The following BANK1 variants were observed in gnomAD, a reference collection of about 807,000 sequenced individuals.
BANK1 encodes B cell scaffold protein with ankyrin repeats 1.
Under a neutral mutation model 94.5 loss-of-function variants are expected in BANK1, and 95 were observed. That is an observed-to-expected ratio of 1.00 (90% CI 0.85 to 1.19). The LOEUF (loss-of-function observed/expected upper bound fraction) is 1.19, where lower values mean the gene tolerates loss of function less well. Ranked by LOEUF, BANK1 falls within the 50% of genes most tolerant of loss-of-function variation. BANK1 has a pLI of 0.00. For synonymous variants in BANK1, 334 were observed against 308.4 expected (o/e 1.08, Z -0.87); for missense variants, 987 against 932.2 (o/e 1.06, Z -0.77).
intron 1 of BANK1, among the ~76,000 whole-genome samples, chr4:101,817,815 T>A (rs1260638853): frequency 6.6e-6 from 1 of 151,342 alleles, no homozygotes; most frequent in Non-Finnish European, 1.5e-5. Flanking sequence ...GTAAACTTTC[T>A]TAAAACATTA....
intron 5 of BANK1, among the ~76,000 whole-genome samples, chr4:101,881,460 GT>G (rs948555418): frequency 1.2e-4 from 19 of 152,160 alleles, no homozygotes; most frequent in Admixed American, 5.9e-4. Context: ...GGAGAAAACT[GT>G]TTGTCGGAAA....
At chr4:102,064,899 G>A (rs1363442040) in intron 13 of BANK1, among the ~76,000 whole-genome samples, 1 of 152,230 alleles carries the variant, frequency 6.6e-6, no homozygotes, top group Non-Finnish European at 1.5e-5. Flanking sequence ...CAGGGCAGCT[G>A]AAGCTGCTAG....
At chr4:101,833,625 A>G (rs540201888) in intron 2 of BANK1, among the ~76,000 whole-genome samples, 2 of 152,156 alleles carry the variant, frequency 1.3e-5, no homozygotes, top group Admixed American at 1.3e-4. Flanking sequence ...CTGTTTCTTC[A>G]AAGTGTCTTT....
chr4:101,887,111 C>A (rs898970694), intron 5 of BANK1, among the ~76,000 whole-genome samples: 1 of 152,236 alleles, frequency 6.6e-6, no homozygotes, highest in South Asian at 2.1e-4. Context: ...CCCTCACTGG[C>A]TTTTTCTTTT....
chr4:101,909,945 G>GA (rs1722606025), intron 6 of BANK1, among the ~76,000 whole-genome samples: 1 of 152,152 alleles, frequency 6.6e-6, no homozygotes, highest in African/African-American at 2.4e-5. Flanking sequence ...TTTTCTTACA[G>GA]AAACTGTGAA....
intron 5 of BANK1, among the ~76,000 whole-genome samples, chr4:101,895,079 C>T (rs1195648801): frequency 1.3e-5 from 2 of 151,184 alleles, no homozygotes; most frequent in South Asian, 2.1e-4. Flanking sequence ...GTTTCTTATC[C>T]AAAAGCAGAG....
At chr4:101,835,699 C>G (rs1382207208) in intron 2 of BANK1, among the ~76,000 whole-genome samples, 1 of 152,222 alleles carries the variant, frequency 6.6e-6, no homozygotes, top group Non-Finnish European at 1.5e-5. Context: ...AGAACTCTGA[C>G]TCACTGGACC....
chr4:102,025,944 A>G (rs1727078733), intron 9 of BANK1, among the ~76,000 whole-genome samples: 1 of 152,372 alleles, frequency 6.6e-6, no homozygotes, highest in African/African-American at 2.4e-5. Context: ...TCAGACAAAA[A>G]GTGAAATGCT....
rs1578384231 is a variant in BANK1, at chr4:101,896,054, T to A, written c.1009+644T>A. On this transcript the variant is annotated intron_variant, in intron 6 of 16. Coordinates refer to ENST00000322953, the MANE Select transcript of BANK1 (RefSeq NM_017935.5). ...TTCAAATATTACATCTTGTTTCACC[T>A]TATTGAGTCTGTATTTTCTACAACT... Among the ~76,000 whole-genome samples, 6 of 152,092 alleles carry A rather than the reference T, an allele frequency of 3.9e-5. No homozygotes were observed. In the East Asian group the frequency reaches 1.2e-3, roughly 29 times the overall value.
At position 102,071,311 on chromosome 4, in the gene BANK1, G is replaced by T. The variant is rs778648118; in HGVS notation, c.2242+7G>T. On this transcript the variant is annotated splice_region_variant and intron_variant, in intron 14 of 16. Coordinates refer to ENST00000322953, the MANE Select transcript of BANK1 (RefSeq NM_017935.5). ...ATTGTGCACCATCCAGGTGGTAAGT[G>T]CTTGGTATTTATTGAAGGATCTAAG... is the stretch of plus-strand genomic sequence containing the variant. 5.3e-5 allele frequency: 85 copies of T among 1,613,230 alleles called. No homozygotes were observed. The highest frequency in any genetic ancestry group is 7.0e-5 in the Non-Finnish European group (83 of 1,179,418).
intron 10 of BANK1, among the ~76,000 whole-genome samples, chr4:102,034,059 A>T (rs2850393): frequency 0.23 from 35,562 of 151,650 alleles, 4,679 homozygotes; most frequent in African/African-American, 0.34. Context: ...GCTTGGGCAG[A>T]TCTATTAAGT....
At chr4:102,045,465 A>G (rs950744044) in intron 11 of BANK1, among the ~76,000 whole-genome samples, 26 of 152,178 alleles carry the variant, frequency 1.7e-4, no homozygotes, top group Non-Finnish European at 3.8e-4. Flanking sequence ...AGAAGGAAAT[A>G]AAGGGTATTC....
chr4:102,044,563 G>T, intron 11 of BANK1, among the ~76,000 whole-genome samples: 1 of 129,298 alleles, frequency 7.7e-6, no homozygotes. Context: ...GGGATGGCTG[G>T]GTCAAATGGT....
At chr4:101,873,546 C>A (rs1158384832) in intron 5 of BANK1, among the ~76,000 whole-genome samples, 1 of 152,108 alleles carries the variant, frequency 6.6e-6, no homozygotes, top group Non-Finnish European at 1.5e-5. Flanking sequence ...AATGAGCGTT[C>A]TGTGAATTTG....
chr4:101,968,899 A>G (rs761773626), intron 7 of BANK1, among the ~76,000 whole-genome samples: 7 of 152,102 alleles, frequency 4.6e-5, no homozygotes, highest in Non-Finnish European at 1.0e-4. Context: ...CTAAAATGTT[A>G]TTGAGAATGG....
intron 5 of BANK1, among the ~76,000 whole-genome samples, chr4:101,885,107 G>A (rs1437591293): frequency 6.6e-6 from 1 of 152,166 alleles, no homozygotes; most frequent in Non-Finnish European, 1.5e-5. Flanking sequence ...TAATAGAGAC[G>A]GGGTTTCGCC....
chr4:101,862,317 G>A (rs1281613279), intron 3 of BANK1, among the ~76,000 whole-genome samples: 1 of 151,978 alleles, frequency 6.6e-6, no homozygotes, highest in East Asian at 1.9e-4. Flanking sequence ...GAAAAAAAGA[G>A]CGTACAATAA....
intron 2 of BANK1, among the ~76,000 whole-genome samples, chr4:101,839,511 C>T (rs899953828): frequency 2.0e-5 from 3 of 152,140 alleles, no homozygotes; most frequent in Non-Finnish European, 4.4e-5. Flanking sequence ...TTAATAGCTT[C>T]CCATATGAGG....
intron 1 of BANK1, among the ~76,000 whole-genome samples, chr4:101,815,144 A>G (rs911998005): frequency 6.6e-6 from 1 of 152,112 alleles, no homozygotes; most frequent in Non-Finnish European, 1.5e-5. Flanking sequence ...TATAATGTGA[A>G]ATCCTAGAAT....
Sources: gnomAD v4.1 joint callset for allele counts (sites outside exome capture counted in the v4.1 genomes callset) on GRCh38, gnomAD v4.1.1 for gene constraint, MANE v1.5 for transcripts, NCBI Gene and HGNC (gene_info 2026-07-23, HGNC 2026-07-21) for gene names.